The following SGPP2 variants were observed in gnomAD, a reference collection of about 807,000 sequenced individuals.
SGPP2 encodes sphingosine-1-phosphate phosphatase 2.
Under a neutral mutation model 33.9 loss-of-function variants are expected in SGPP2, and 30 were observed. That is an observed-to-expected ratio of 0.89 (90% CI 0.66 to 1.20). The LOEUF is 1.20. SGPP2 is among the 50% of genes most tolerant of loss of function. The pLI, the probability that SGPP2 is intolerant of heterozygous loss-of-function variation, is 0.00. For synonymous variants in SGPP2, 233 were observed against 225.0 expected, an observed-to-expected ratio of 1.04 and a Z score of -0.32; for missense variants, 458 against 532.1, an observed-to-expected ratio of 0.86 and a Z score of 1.37.
intron 1 of SGPP2, 47 bp from the exon 2 acceptor site, chr2:222,474,521 T>C: frequency 6.3e-7 from 1 of 1,575,766 alleles, no homozygotes; most frequent in Non-Finnish European, 8.7e-7. Context: ...GTTTAAAACT[T>C]GACATATTGC....
rs531356144 is a variant in SGPP2 at position 222,518,653 on chromosome 2, G to A, written c.379-3114G>A. 2.2e-4 allele frequency among the ~76,000 whole-genome samples: 33 copies of A among 152,280 alleles called. No individual in the cohort carries two copies. The East Asian group carries it at 6.2e-3, about 28-fold the overall frequency. On this transcript the variant is annotated intron_variant, in intron 2 of 4. Coordinates refer to ENST00000321276, the MANE Select transcript of SGPP2 (RefSeq NM_152386.4). ...GTTTTTACAGGTTCACAGGAGGGAG[G>A]CAGAAACATAAAAAGAGTGAGCTGA... is the stretch of plus-strand genomic sequence containing the variant.
At chr2:222,483,643 C>T (rs564665818) in intron 2 of SGPP2, among the ~76,000 whole-genome samples, 15 of 152,298 alleles carry the variant, frequency 9.8e-5, no homozygotes, top group African/African-American at 3.6e-4. Context: ...TCAAAACAGA[C>T]TAGTGTGTTT....
rs137909836 is a variant in SGPP2, at chr2:222,447,719, C to A, written c.219+22898C>A. Among the ~76,000 whole-genome samples the A allele has an allele frequency of 1.7e-3, 261 of 152,256 alleles. 2 individuals carry two copies. The highest frequency in any genetic ancestry group is 0.017 in the Middle Eastern group (5 of 294). On this transcript the variant is annotated intron_variant, in intron 1 of 4. Coordinates refer to ENST00000321276, the MANE Select transcript of SGPP2 (RefSeq NM_152386.4). ...TTCATTTAATTCATGTAATTTTCCT[C>A]CTGAGAACCTAGTCATTCTACAAAC...
intron 1 of SGPP2, among the ~76,000 whole-genome samples, chr2:222,425,053 C>CAATGCAGTCCATTTAGA (rs953220229): frequency 2.0e-5 from 3 of 152,254 alleles, no homozygotes; most frequent in Non-Finnish European, 2.9e-5. Context: ...CAGACGCTTT[C>CAATGCAGTCCATTTAGA]AATGCAGTCC....
At chr2:222,551,672 T>C (rs1351447423) in intron 4 of SGPP2, among the ~76,000 whole-genome samples, 1 of 152,214 alleles carries the variant, frequency 6.6e-6, no homozygotes, top group African/African-American at 2.4e-5. Context: ...TTAACTAAAA[T>C]TACTTTTGCC....
intron 2 of SGPP2, among the ~76,000 whole-genome samples, chr2:222,508,601 A>G (rs1004882643): frequency 2.0e-5 from 3 of 152,234 alleles, no homozygotes; most frequent in Non-Finnish European, 4.4e-5. Flanking sequence ...TCCTAGGCAT[A>G]TACATACATC....
chr2:222,504,045 T>G (rs1338279558), intron 2 of SGPP2: 1 of 152,344 alleles, frequency 6.6e-6, no homozygotes, highest in South Asian at 2.1e-4. Flanking sequence ...TGGTCCTGAA[T>G]GTAGCCCGGG....
intron 1 of SGPP2, among the ~76,000 whole-genome samples, chr2:222,467,260 G>A (rs78042606): frequency 6.6e-6 from 1 of 151,444 alleles, no homozygotes; most frequent in East Asian, 1.9e-4. Context: ...CAGGTCATTC[G>A]GATGCATATT....
At chr2:222,517,795 C>G (rs1279844450) in intron 2 of SGPP2, among the ~76,000 whole-genome samples, 1 of 152,226 alleles carries the variant, frequency 6.6e-6, no homozygotes, top group Non-Finnish European at 1.5e-5. Context: ...GTTTGAGCAG[C>G]AGCTGCAGCC....
Position 222,558,609 on chromosome 2 carries a change from C to A in SGPP2, c.911C>A (p.Ala304Asp). Residue 304 changes from alanine to aspartate, a missense_variant, in exon 5 of 5, where the codon GCT (alanine) becomes GAT (aspartate). By Grantham distance (126) the Ala-to-Asp change is moderately radical. Coordinates refer to ENST00000321276, the MANE Select transcript of SGPP2 (RefSeq NM_152386.4). ...NHFFQLVSKP[A>D]ESLPVIQNIP... ...TTCTTCCAGCTTGTATCCAAGCCCG[C>A]TGAATCTCTCCCTGTTATTCAGAAC... 3.7e-6 allele frequency: 6 copies of A among 1,614,220 alleles called. No homozygotes were observed. Among genetic ancestry groups the A allele is most frequent in the Non-Finnish European group, 5.1e-6 (6 of 1,180,054 alleles).
At chr2:222,425,337 G>C (rs1172918462) in intron 1 of SGPP2, among the ~76,000 whole-genome samples, 1 of 152,178 alleles carries the variant, frequency 6.6e-6, no homozygotes, top group Non-Finnish European at 1.5e-5. Flanking sequence ...AGCTCCTAGA[G>C]AGATTTACAA....
intron 2 of SGPP2, chr2:222,498,354 C>G (rs982910615): frequency 2.6e-5 from 4 of 152,138 alleles, no homozygotes; most frequent in Admixed American, 6.5e-5. Context: ...AACAGGGCCC[C>G]TCAGCAAGGA....
intron 4 of SGPP2, among the ~76,000 whole-genome samples, chr2:222,548,673 T>A (rs1431329179): frequency 2.0e-5 from 3 of 152,238 alleles, no homozygotes; most frequent in African/African-American, 7.2e-5. Context: ...TTTTGACTGA[T>A]CCCTATGGAC....
intron 2 of SGPP2, among the ~76,000 whole-genome samples, chr2:222,474,943 A>T (rs771302659): frequency 2.6e-5 from 4 of 151,732 alleles, no homozygotes; most frequent in Non-Finnish European, 4.4e-5. Context: ...AAGCTGGGGG[A>T]CAGTGGCTGG....
At chr2:222,455,068 G>T (rs1294843793) in intron 1 of SGPP2, among the ~76,000 whole-genome samples, 1 of 151,942 alleles carries the variant, frequency 6.6e-6, no homozygotes, top group Non-Finnish European at 1.5e-5. Context: ...AAACTAACAG[G>T]TACAAGAGTA....
Position 222,452,394 on chromosome 2 carries a change from T to C in SGPP2, c.220-22174T>C, listed in dbSNP as rs570846504. Reference sequence around the variant, plus strand: ...TCAAATTGAGTAATATCAATTTCACTCTCCTTCACAGATCTTCAAGTTGTA... The same window carrying C: ...TCAAATTGAGTAATATCAATTTCACCCTCCTTCACAGATCTTCAAGTTGTA... On this transcript the variant is annotated intron_variant, in intron 1 of 4. Transcript: ENST00000321276. 2.4e-3 allele frequency: 1,780 copies of C among 744,834 alleles called. 34 individuals carry two copies. The highest frequency in any genetic ancestry group is 0.014 in the South Asian group (1,029 of 74,094). The allele number at this position is 744,834 out of a possible 1,614,324, so 46.1% of individuals were successfully genotyped here.
chr2:222,461,443 G>T (rs944600600), intron 1 of SGPP2, among the ~76,000 whole-genome samples: 1 of 152,048 alleles, frequency 6.6e-6, no homozygotes, highest in African/African-American at 2.4e-5. Flanking sequence ...CTGGGCAGGT[G>T]GGGGGATGGT....
intron 4 of SGPP2, 73 bp from the exon 5 acceptor site, chr2:222,558,274 C>T (rs1471136407): frequency 6.8e-7 from 1 of 1,465,920 alleles, no homozygotes; most frequent in African/African-American, 1.4e-5. Flanking sequence ...ATTAGCCATA[C>T]TTGATTCAAA....
At chr2:222,490,129 C>T (rs1484330652) in intron 2 of SGPP2, among the ~76,000 whole-genome samples, 1 of 152,118 alleles carries the variant, frequency 6.6e-6, no homozygotes, top group Non-Finnish European at 1.5e-5. Flanking sequence ...GAGTAAGTTT[C>T]TATATTCATG....
Sources: allele counts gnomAD v4.1 joint callset (sites outside exome capture counted in the v4.1 genomes callset), GRCh38; gene constraint gnomAD v4.1.1; transcripts MANE v1.5; gene names NCBI Gene and HGNC (gene_info 2026-07-23, HGNC 2026-07-21).